Variants in DOT1L observed in about 807,000 individuals in gnomAD.
The protein encoded by DOT1L is histone-lysine N-methyltransferase, H3 lysine-79 specific.
A neutral mutation model predicts 153.3 loss-of-function variants in DOT1L; 33 were observed. The ratio of observed to expected loss-of-function variants is 0.22; its 90% CI spans 0.16 to 0.29. DOT1L has a LOEUF of 0.29. DOT1L is among the 10% of genes least tolerant of loss of function. DOT1L has a pLI of 1.00. For missense variants in DOT1L, 1,847 were observed against 2,119.9 expected, an observed-to-expected ratio of 0.87 and a Z score of 2.53; for synonymous variants, 1,135 against 965.1, an observed-to-expected ratio of 1.18 and a Z score of -3.26.
At chr19:2,199,793 T>A in intron 7 of DOT1L, 91 bp from the exon 8 acceptor site, 1 of 1,527,276 alleles carries the variant, frequency 6.5e-7, no homozygotes, top group Admixed American at 1.8e-5. Context: ...AGCGGAGCTG[T>A]GTTCATTCCA....
chr19:2,169,567 C>G (rs1403458771), intron 1 of DOT1L, among the ~76,000 whole-genome samples: 3 of 152,048 alleles, frequency 2.0e-5, no homozygotes, highest in African/African-American at 4.8e-5. Flanking sequence ...AATCTCGGCT[C>G]ACTGCAGCCT....
chr19:2,220,432 A>G lies in DOT1L; in HGVS notation c.2806+210A>G, dbSNP rs2144892862. ...GCTCAGCTGCAGCCATCTCGGCCTC[A>G]TACCTGGGTCTCCCGACACTGACAC... On this transcript the variant is annotated intron_variant, in intron 23 of 27. Transcript: ENST00000398665. This position sits in a 1 kb window ranked among gnomAD's most constrained non-coding sequence, Gnocchi z 4.5. 1.5e-6 allele frequency: 1 copy of G among 671,392 alleles called. No individual in the cohort carries two copies. Among genetic ancestry groups the G allele is most frequent in the East Asian group, 2.9e-5 (1 of 34,830 alleles). The allele number at this position is 671,392 out of a possible 1,614,324, so 41.6% of individuals were successfully genotyped here. A position where few individuals can be genotyped will look rare whatever the true frequency, so the allele number is the denominator to read the frequency against.
At chr19:2,178,892 G>A (rs191315305) in intron 1 of DOT1L, among the ~76,000 whole-genome samples, 13 of 152,306 alleles carry the variant, frequency 8.5e-5, no homozygotes, top group African/African-American at 3.1e-4. Flanking sequence ...TTAGAAGAAA[G>A]TTGCAAAGCA....
intron 1 of DOT1L, among the ~76,000 whole-genome samples, chr19:2,167,132 G>T (rs943173259): frequency 6.6e-6 from 1 of 152,154 alleles, no homozygotes; most frequent in Non-Finnish European, 1.5e-5. Flanking sequence ...CCAATTTTTG[G>T]TGATTAGAAT....
rs995465949 is a variant in DOT1L, at chr19:2,199,509, T to C, written c.652-375T>C. 2.0e-5 allele frequency among the ~76,000 whole-genome samples: 3 copies of C among 152,344 alleles called. No homozygotes were observed. In the South Asian group the frequency reaches 6.2e-4, roughly 32 times the overall value. Reference sequence around the variant, plus strand: ...AGGCCCTGCCTCGGGGCGCCCCTGCTGGCCGCCTCTGGTCCTGAGAGTGGC... The same window carrying C: ...AGGCCCTGCCTCGGGGCGCCCCTGCCGGCCGCCTCTGGTCCTGAGAGTGGC... On this transcript the variant is annotated intron_variant, in intron 7 of 27. Coordinates refer to ENST00000398665, the MANE Select transcript of DOT1L (RefSeq NM_032482.3).
intron 26 of DOT1L, 105 bp from the exon 27 acceptor site, chr19:2,226,078 C>G: frequency 1.5e-6 from 2 of 1,292,336 alleles, no homozygotes; most frequent in South Asian, 1.6e-5. Context: ...TGTGACCAGC[C>G]CTGCCTGCAG....
chr19:2,210,558 C>T lies in DOT1L; in HGVS notation c.1116+48C>T, dbSNP rs192444039. ...GCTGCTGGAGGGCACCCGCCCCCTG[C>T]CCGGGAGACCCCATGGGTGGGAGGC... is the stretch of plus-strand genomic sequence containing the variant. On this transcript the variant is annotated intron_variant, in intron 13 of 27. Coordinates refer to ENST00000398665, the MANE Select transcript of DOT1L (RefSeq NM_032482.3). The T allele has an allele frequency of 9.1e-3, 14,483 of 1,590,030 alleles. 122 individuals carry two copies. The highest frequency in any genetic ancestry group is 0.016 in the Middle Eastern group (96 of 5,936).
chr19:2,208,735 G>A lies in DOT1L; in HGVS notation c.964-200G>A, dbSNP rs1487589884. Among the ~76,000 whole-genome samples the A allele has an allele frequency of 6.6e-6, 1 of 152,182 alleles. No individual in the cohort carries two copies. The highest frequency in any genetic ancestry group is 1.5e-5 in the Non-Finnish European group (1 of 68,038). The stretch of plus-strand genomic sequence containing the variant: ...CCCACCCGTCGCGTGCTGGTGAATT[G>A]AGGGTGACGCCTGGCCACAGCTGGG... On this transcript the variant is annotated intron_variant, in intron 11 of 27. Transcript: ENST00000398665. This position sits in a 1 kb window ranked among gnomAD's most constrained non-coding sequence, Gnocchi z 4.4.
intron 1 of DOT1L, among the ~76,000 whole-genome samples, chr19:2,169,284 C>T (rs989223523): frequency 6.6e-6 from 1 of 152,024 alleles, no homozygotes; most frequent in Admixed American, 6.6e-5. Context: ...AATCCCAGCT[C>T]CCCCGGAGGC....
rs2023055985 is a variant in DOT1L at position 2,197,110 on chromosome 19, G to A, written c.651+2533G>A. ...GCCGTGGTGGGAGCCGTGGCCTGCG[G>A]TGCTTCCTTGCGGCCACGCCTGTCT... On this transcript the variant is annotated intron_variant, in intron 7 of 27. Coordinates refer to ENST00000398665, the MANE Select transcript of DOT1L (RefSeq NM_032482.3). This position sits in a 1 kb window ranked among gnomAD's most constrained non-coding sequence, Gnocchi z 4.1. Among the ~76,000 whole-genome samples the A allele has an allele frequency of 6.6e-6, 1 of 152,082 alleles. No individual in the cohort carries two copies. Among genetic ancestry groups the A allele is most frequent in the South Asian group, 2.1e-4 (1 of 4,820 alleles).
intron 1 of DOT1L, among the ~76,000 whole-genome samples, chr19:2,165,995 C>G (rs1023394792): frequency 2.0e-5 from 3 of 152,118 alleles, no homozygotes; most frequent in Admixed American, 1.3e-4. Flanking sequence ...TGGTCTCGAT[C>G]TCCTGACTTC....
chr19:2,188,890 C>T (rs568164556), intron 3 of DOT1L, among the ~76,000 whole-genome samples: 10 of 152,312 alleles, frequency 6.6e-5, no homozygotes, highest in Admixed American at 3.9e-4. Flanking sequence ...GGCTGGGCCG[C>T]GTGGCCGGTG....
chr19:2,199,987 G>A lies in DOT1L; in HGVS notation c.707+48G>A, dbSNP rs1267143621. ...AGGGCATGTGGGGTGTGCGCTCACA[G>A]GCGGGCGGTGGCCATGGCACCGGGG... On this transcript the variant is annotated intron_variant, in intron 8 of 27. Coordinates refer to ENST00000398665, the MANE Select transcript of DOT1L (RefSeq NM_032482.3). The A allele has an allele frequency of 1.9e-6, 3 of 1,601,354 alleles. No homozygotes were observed. The African/African-American group carries it at 4.0e-5, about 21-fold the overall frequency.
Position 2,207,482 on chromosome 19 carries a change from T to C in DOT1L, c.857-92T>C. On this transcript the variant is annotated intron_variant, in intron 10 of 27. Transcript: ENST00000398665. This position sits in a 1 kb window ranked among gnomAD's most constrained non-coding sequence, Gnocchi z 4.5. ...AAGAGGGAAGACGCGCAGCTCAGGCTTCTGTCCCCACGCCTGCCCTGGGGT... is the reference window on the plus strand; with the variant it reads ...AAGAGGGAAGACGCGCAGCTCAGGCCTCTGTCCCCACGCCTGCCCTGGGGT... 9.1e-7 allele frequency: 1 copy of C among 1,094,672 alleles called. No individual in the cohort carries two copies. Among genetic ancestry groups the C allele is most frequent in the South Asian group, 1.4e-5 (1 of 69,114 alleles). The allele number at this position is 1,094,672 out of a possible 1,614,324, so 67.8% of individuals were successfully genotyped here.
At chr19:2,213,747 C>T in intron 17 of DOT1L, 102 bp from the exon 18 acceptor site, 27 of 1,600,842 alleles carry the variant, frequency 1.7e-5, no homozygotes, top group Non-Finnish European at 2.2e-5. Flanking sequence ...TGCCTCTGTC[C>T]AGCTGTGTCC....
rs771105982 is a variant in DOT1L at position 2,222,298 on chromosome 19, G to A, written c.3129G>A (p.Arg1043=). ...CAGATCCTGAGAGTGAAGCCAAGAGGAGGATTGTGTTCACCATCACCACTG... is the reference window on the plus strand; with the variant it reads ...CAGATCCTGAGAGTGAAGCCAAGAGAAGGATTGTGTTCACCATCACCACTG... ...GFSDPESEAK[R]RIVFTITTGA... Residue 1043 remains arginine (R), a synonymous_variant, in exon 24 of 28, where the codon AGG becomes AGA. Coordinates refer to ENST00000398665, the MANE Select transcript of DOT1L (RefSeq NM_032482.3). The surrounding 1 kb of genome is among the most constrained non-coding windows in gnomAD (Gnocchi z 6.5). 1.2e-5 allele frequency: 19 copies of A among 1,613,110 alleles called. No individual in the cohort carries two copies. The East Asian group carries it at 2.7e-4, about 23-fold the overall frequency.
At position 2,194,594 on chromosome 19, in the gene DOT1L, C is replaced by A. The variant is rs764879093; in HGVS notation, c.651+17C>A. 1.2e-6 allele frequency: 2 copies of A among 1,608,672 alleles called. No homozygotes were observed. The highest frequency in any genetic ancestry group is 1.7e-6 in the Non-Finnish European group (2 of 1,179,334). ...GAATACACAGTGAGTGCCATCGCTC[C>A]GCCCCGGCTCCCATCGCCGGCCCCA... On this transcript the variant is annotated intron_variant, in intron 7 of 27. Transcript: ENST00000398665.
At position 2,193,657 on chromosome 19, in the gene DOT1L, G is replaced by A. The variant is rs375964445; in HGVS notation, c.494-32G>A. ...GCCTCCCGGGTGGCATCTGAGCGCT[G>A]TGTGGTATCTGATGGATCTCTCTGA... On this transcript the variant is annotated intron_variant, in intron 5 of 27. Transcript: ENST00000398665. This position sits in a 1 kb window ranked among gnomAD's most constrained non-coding sequence, Gnocchi z 5.9. The A allele has an allele frequency of 1.9e-6, 3 of 1,608,822 alleles. No homozygotes were observed. The highest frequency in any genetic ancestry group is 2.6e-6 in the Non-Finnish European group (3 of 1,175,612).
Position 2,220,509 on chromosome 19 carries a change from G to T in DOT1L, c.2806+287G>T. ...CCGTGAGGTCGGCCCCAGTGCTCTC[G>T]GGGGCTCCTGTACTCACAGCTGGGA... On this transcript the variant is annotated intron_variant, in intron 23 of 27. Transcript: ENST00000398665. The surrounding 1 kb of genome is among the most constrained non-coding windows in gnomAD (Gnocchi z 4.5). 1.9e-6 allele frequency: 1 copy of T among 533,380 alleles called. No homozygotes were observed. Among genetic ancestry groups the T allele is most frequent in the South Asian group, 1.5e-5 (1 of 65,252 alleles). The allele number at this position is 533,380 out of a possible 1,614,324, so 33.0% of individuals were successfully genotyped here. A position where few individuals can be genotyped will look rare whatever the true frequency, so the allele number is the denominator to read the frequency against.
Sources: gnomAD v4.1 joint callset for allele counts (sites outside exome capture counted in the v4.1 genomes callset) on GRCh38, gnomAD v4.1.1 for gene constraint, Gnocchi (gnomAD v3.1) non-coding constraint, MANE v1.5 for transcripts, NCBI Gene and HGNC (gene_info 2026-07-23, HGNC 2026-07-21) for gene names.